TMEM178B: variants seen among roughly 807,000 people sequenced by gnomAD.
TMEM178B encodes transmembrane protein 178B.
TMEM178B carries 5 observed loss-of-function variants against 31.0 expected under a neutral mutation model. The observed-to-expected ratio is 0.16, with a 90% CI of 0.08 to 0.34. The LOEUF (loss-of-function observed/expected upper bound fraction) is 0.34, where lower values mean the gene tolerates loss of function less well. Among genes scored for constraint, TMEM178B ranks in the 10% least tolerant of loss-of-function variants. The pLI is 1.00. For synonymous variants in TMEM178B, 164 were observed against 164.0 expected, an observed-to-expected ratio of 1.00 and a Z score of 0.00; for missense variants, 275 against 400.3, an observed-to-expected ratio of 0.69 and a Z score of 2.67.
At chr7:141,148,417 C>T (rs1238926801) in intron 1 of TMEM178B, among the ~76,000 whole-genome samples, 1 of 152,138 alleles carries the variant, frequency 6.6e-6, no homozygotes, top group East Asian at 1.9e-4. Context: ...GGTTTACAGA[C>T]ATTAAAGGCA....
intron 1 of TMEM178B, among the ~76,000 whole-genome samples, chr7:141,130,908 G>C (rs1212636418): frequency 1.3e-5 from 2 of 152,102 alleles, no homozygotes; most frequent in Admixed American, 6.5e-5. Flanking sequence ...CTGAGTATGT[G>C]ATCAGTCAGC....
chr7:141,507,335 G>A, the TMEM178B span, among the ~76,000 whole-genome samples: 1 of 152,160 alleles, frequency 6.6e-6, no homozygotes, highest in Non-Finnish European at 1.5e-5. Context: ...GGGCATCCAG[G>A]CGTTTCCATA....
At chr7:141,368,248 G>A (rs540678006) in intron 2 of TMEM178B, among the ~76,000 whole-genome samples, 20 of 152,276 alleles carry the variant, frequency 1.3e-4, no homozygotes, top group Non-Finnish European at 2.2e-4. Context: ...GAACCTGGGG[G>A]GTGGAGGTTG....
At position 141,132,975 on chromosome 7, in the gene TMEM178B, T is replaced by G. The variant is rs1038154291; in HGVS notation, c.382+58283T>G. Among the ~76,000 whole-genome samples, 10 of 152,302 alleles carry G rather than the reference T, an allele frequency of 6.6e-5. No homozygotes were observed. The South Asian group carries it at 1.0e-3, about 16-fold the overall frequency. On this transcript the variant is annotated intron_variant, in intron 1 of 3. Transcript: ENST00000565468. ...CTGAAGAATTCATAGACACCTCTGATGCTGATTATAGCTAAAGAAATCATA... is the reference window on the plus strand; with the variant it reads ...CTGAAGAATTCATAGACACCTCTGAGGCTGATTATAGCTAAAGAAATCATA...
intron 1 of TMEM178B, among the ~76,000 whole-genome samples, chr7:141,194,188 A>G (rs961895874): frequency 6.6e-6 from 1 of 152,096 alleles, no homozygotes; most frequent in Non-Finnish European, 1.5e-5. Flanking sequence ...ATGTCCTCAC[A>G]TTTCAAAACC....
At chr7:141,483,162 C>G (rs1246195297), downstream of TMEM178B, among the ~76,000 whole-genome samples, 2 of 152,168 alleles carry the variant, frequency 1.3e-5, no homozygotes, top group African/African-American at 4.8e-5. Context: ...TGATCTATCT[C>G]CAGGAGCCAA....
intron 2 of TMEM178B, among the ~76,000 whole-genome samples, chr7:141,304,902 C>T (rs895653478): frequency 6.6e-6 from 1 of 152,156 alleles, no homozygotes; most frequent in Non-Finnish European, 1.5e-5. Context: ...TTCACAATCT[C>T]CTTACTACAC....
intron 1 of TMEM178B, among the ~76,000 whole-genome samples, chr7:141,105,849 G>A (rs56205854): frequency 1.3e-5 from 2 of 151,820 alleles, no homozygotes; most frequent in East Asian, 3.9e-4. Context: ...AATCCCAGCT[G>A]TTTGGGAGGC....
chr7:141,098,704 A>T (rs1280234065), intron 1 of TMEM178B, among the ~76,000 whole-genome samples: 1 of 152,242 alleles, frequency 6.6e-6, no homozygotes, highest in Non-Finnish European at 1.5e-5. Context: ...TACCTGGCAC[A>T]TAGTAAGTGC....
At chr7:141,398,008 A>G (rs1800688315) in intron 2 of TMEM178B, among the ~76,000 whole-genome samples, 1 of 152,164 alleles carries the variant, frequency 6.6e-6, no homozygotes, top group South Asian at 2.1e-4. Flanking sequence ...CTCTGAGTCA[A>G]GTTCATTTTC....
At chr7:141,416,878 G>A (rs775442756) in intron 2 of TMEM178B, among the ~76,000 whole-genome samples, 12 of 152,080 alleles carry the variant, frequency 7.9e-5, no homozygotes, top group South Asian at 2.1e-4. Context: ...GCAAAACACC[G>A]GCAAAATTCA....
rs116779716 is a variant in TMEM178B, at chr7:141,099,467, A to G, written c.382+24775A>G. Among the ~76,000 whole-genome samples the G allele has an allele frequency of 5.4e-3, 818 of 152,322 alleles. 10 individuals carry two copies. The highest frequency in any genetic ancestry group is 0.019 in the African/African-American group (778 of 41,558). On this transcript the variant is annotated intron_variant, in intron 1 of 3. Transcript: ENST00000565468. The stretch of plus-strand genomic sequence containing the variant: ...GGGTTTGCACATTAATTCATCCTGA[A>G]TTGAATTGTCAATGTGCTGAATGGA...
chr7:141,180,970 ATCC>A (rs1435057839), intron 1 of TMEM178B, among the ~76,000 whole-genome samples: 1 of 152,070 alleles, frequency 6.6e-6, no homozygotes, highest in African/African-American at 2.4e-5. Flanking sequence ...CCATTCATCC[ATCC>A]TCCTCCCCAC....
chr7:141,503,047 C>A, the TMEM178B span, among the ~76,000 whole-genome samples: 7 of 152,292 alleles, frequency 4.6e-5, no homozygotes, highest in Admixed American at 3.9e-4. Flanking sequence ...CTCCCCTCAT[C>A]CACCCAGCTC....
At chr7:141,431,683 T>G (rs1801432084) in intron 2 of TMEM178B, among the ~76,000 whole-genome samples, 1 of 152,236 alleles carries the variant, frequency 6.6e-6, no homozygotes, top group South Asian at 2.1e-4. Flanking sequence ...GGATTATTCT[T>G]AGGCCAGTCC....
intron 2 of TMEM178B, among the ~76,000 whole-genome samples, chr7:141,216,881 C>T (rs965499957): frequency 2.0e-5 from 3 of 151,984 alleles, no homozygotes; most frequent in Non-Finnish European, 4.4e-5. Context: ...ATTTATCCTG[C>T]CTCTGTGGGC....
chr7:141,148,792 C>G (rs571349048), intron 1 of TMEM178B, among the ~76,000 whole-genome samples: 1 of 152,056 alleles, frequency 6.6e-6, no homozygotes, highest in Non-Finnish European at 1.5e-5. Flanking sequence ...TGTAAGGAAT[C>G]GAATTAAGAA....
chr7:141,175,143 G>A (rs544957678), intron 1 of TMEM178B, among the ~76,000 whole-genome samples: 60 of 152,258 alleles, frequency 3.9e-4, no homozygotes, highest in Admixed American at 3.0e-3. Context: ...TTTGTATGGG[G>A]TGTAAGGAAG....
chr7:141,497,180 C>T, the TMEM178B span, among the ~76,000 whole-genome samples: 1 of 152,258 alleles, frequency 6.6e-6, no homozygotes, highest in Admixed American at 6.5e-5. Context: ...TTGTGAGAGG[C>T]TGCAAGTTTT....
Sources: gnomAD v4.1 joint callset for allele counts (sites outside exome capture counted in the v4.1 genomes callset) on GRCh38, gnomAD v4.1.1 for gene constraint, MANE v1.5 for transcripts, NCBI Gene and HGNC (gene_info 2026-07-23, HGNC 2026-07-21) for gene names.